Variants in WWOX observed in about 807,000 individuals in gnomAD.
WWOX encodes WW domain containing oxidoreductase, also known as WW domain-containing oxidoreductase.
In WWOX, 69 loss-of-function variants were observed where a neutral mutation model predicts 46.2. The ratio of observed to expected loss-of-function variants is 1.49; its 90% CI spans 1.23 to 1.82. WWOX has a LOEUF of 1.82. Among genes scored for constraint, WWOX ranks in the 40% most tolerant of loss-of-function variants. The pLI is 0.00. For synonymous variants in WWOX, 359 were observed against 202.6 expected, an observed-to-expected ratio of 1.77 and a Z score of -6.56; for missense variants, 919 against 542.6, an observed-to-expected ratio of 1.69 and a Z score of -6.89.
chr16:78,579,068 C>T (rs67087617), intron 8 of WWOX, among the ~76,000 whole-genome samples: 23,113 of 151,778 alleles, frequency 0.15, 2,168 homozygotes, highest in African/African-American at 0.27. Flanking sequence ...TTTGTTTTTT[C>T]TTGTCAGCCA....
chr16:78,598,319 T>G (rs1311701919), intron 8 of WWOX, among the ~76,000 whole-genome samples: 1 of 152,236 alleles, frequency 6.6e-6, no homozygotes, highest in Non-Finnish European at 1.5e-5. Flanking sequence ...TGTGTAAGAC[T>G]GTCTGTCACG....
intron 8 of WWOX, among the ~76,000 whole-genome samples, chr16:78,678,407 T>C (rs1367031222): frequency 6.6e-6 from 1 of 152,160 alleles, no homozygotes; most frequent in African/African-American, 2.4e-5. Context: ...AGTGAATAAA[T>C]GAATGAATGG....
intron 8 of WWOX, among the ~76,000 whole-genome samples, chr16:79,072,669 C>T (rs1030007143): frequency 3.3e-5 from 5 of 152,198 alleles, no homozygotes; most frequent in African/African-American, 9.7e-5. Context: ...TAGCTGTCAT[C>T]TTCATCATCA....
At chr16:79,025,575 C>G (rs1010659788) in intron 8 of WWOX, among the ~76,000 whole-genome samples, 2 of 152,052 alleles carry the variant, frequency 1.3e-5, no homozygotes, top group African/African-American at 4.8e-5. Flanking sequence ...GAGAGGGGCA[C>G]AAATAGGTTC....
chr16:79,148,628 A>G (rs985761061), intron 8 of WWOX, among the ~76,000 whole-genome samples: 1 of 152,192 alleles, frequency 6.6e-6, no homozygotes, highest in African/African-American at 2.4e-5. Flanking sequence ...TGGGGTTTAA[A>G]TCTATAGGTC....
chr16:78,131,197 C>T, intron 4 of WWOX, among the ~76,000 whole-genome samples: 1 of 152,156 alleles, frequency 6.6e-6, no homozygotes, highest in East Asian at 1.9e-4. Context: ...GATCTTTGTG[C>T]TTCTAGAGAA....
chr16:78,832,866 C>G (rs370817771), intron 8 of WWOX, among the ~76,000 whole-genome samples: 34 of 152,110 alleles, frequency 2.2e-4, no homozygotes, highest in African/African-American at 6.5e-4. Flanking sequence ...AATTATTTCA[C>G]CAGTGACTTT....
At chr16:78,605,524 A>G (rs1371272667) in intron 8 of WWOX, among the ~76,000 whole-genome samples, 2 of 151,872 alleles carry the variant, frequency 1.3e-5, no homozygotes, top group Non-Finnish European at 2.9e-5. Context: ...TTCTGTTACC[A>G]TTGTGCTAAC....
chr16:78,391,359 C>T (rs993941279), intron 6 of WWOX, among the ~76,000 whole-genome samples: 10 of 152,188 alleles, frequency 6.6e-5, no homozygotes, highest in African/African-American at 1.7e-4. Flanking sequence ...CACACTTAAC[C>T]ATGATTATCC....
chr16:78,699,761 G>A (rs558699491), intron 8 of WWOX, among the ~76,000 whole-genome samples: 2 of 152,212 alleles, frequency 1.3e-5, no homozygotes, highest in East Asian at 3.9e-4. Context: ...CTCTTCTAAT[G>A]ATCTTCTGGC....
intron 8 of WWOX, among the ~76,000 whole-genome samples, chr16:78,900,214 T>A (rs985356107): frequency 6.6e-6 from 1 of 152,080 alleles, no homozygotes; most frequent in Admixed American, 6.6e-5. Context: ...TGTACATTTG[T>A]TTATGACGAG....
At chr16:78,814,513 T>C (rs2051281096) in intron 8 of WWOX, among the ~76,000 whole-genome samples, 1 of 152,110 alleles carries the variant, frequency 6.6e-6, no homozygotes. Flanking sequence ...GAATGTTGGC[T>C]TTTCATATAT....
At chr16:78,724,255 C>T (rs1167198640) in intron 8 of WWOX, among the ~76,000 whole-genome samples, 1 of 152,064 alleles carries the variant, frequency 6.6e-6, no homozygotes, top group Admixed American at 6.5e-5. Context: ...CTCTGGTTAC[C>T]AGCAATGAAA....
At chr16:78,535,607 G>T (rs1359404268) in intron 8 of WWOX, 1 of 152,280 alleles carries the variant, frequency 6.6e-6, no homozygotes, top group African/African-American at 2.4e-5. Flanking sequence ...TGAAAAGAAG[G>T]CCTCCCTTGG....
At chr16:78,313,087 C>G (rs2080280665) in intron 5 of WWOX, among the ~76,000 whole-genome samples, 1 of 152,168 alleles carries the variant, frequency 6.6e-6, no homozygotes, top group African/African-American at 2.4e-5. Context: ...ATCTGAGTAC[C>G]TATAACATCT....
chr16:79,192,032 A>G (rs2051146526), intron 8 of WWOX, among the ~76,000 whole-genome samples: 1 of 152,228 alleles, frequency 6.6e-6, no homozygotes, highest in African/African-American at 2.4e-5. Context: ...AATCTGGGGC[A>G]TTCGCGTTAG....
chr16:79,183,644 A>G (rs1370860401), intron 8 of WWOX, among the ~76,000 whole-genome samples: 1 of 152,188 alleles, frequency 6.6e-6, no homozygotes, highest in Non-Finnish European at 1.5e-5. Context: ...TAATTATTAT[A>G]ACAAATGTAT....
Position 78,469,790 on chromosome 16 carries a change from T to A in WWOX, c.1056+37038T>A, listed in dbSNP as rs188812737. On this transcript the variant is annotated intron_variant, in intron 8 of 8. Coordinates refer to ENST00000566780, the MANE Select transcript of WWOX (RefSeq NM_016373.4). ...CCCTGTTTCCCTAAGAAGAGCTTCC[T>A]CTCAGTGCTAGCCAGCCACAGGGCC... 1.7e-3 allele frequency among the ~76,000 whole-genome samples: 261 copies of A among 152,294 alleles called. 1 individual carries two copies. Among genetic ancestry groups the A allele is most frequent in the African/African-American group, 6.0e-3 (249 of 41,560 alleles).
At chr16:78,562,362 A>C (rs556712691) in intron 8 of WWOX, among the ~76,000 whole-genome samples, 25 of 152,300 alleles carry the variant, frequency 1.6e-4, no homozygotes, top group Admixed American at 7.8e-4. Flanking sequence ...GTGTGTTACT[A>C]TACGATCTAG....
Sources: gnomAD v4.1 joint callset for allele counts (sites outside exome capture counted in the v4.1 genomes callset) on GRCh38, gnomAD v4.1.1 for gene constraint, MANE v1.5 for transcripts, NCBI Gene and HGNC (gene_info 2026-07-23, HGNC 2026-07-21) for gene names.